SAV1: variants seen among roughly 807,000 people sequenced by gnomAD.
SAV1 encodes protein salvador homolog 1.
SAV1 carries 23 observed loss-of-function variants against 47.3 expected under a neutral mutation model. The ratio of observed to expected loss-of-function variants is 0.49; its 90% CI spans 0.35 to 0.69. SAV1 has a LOEUF of 0.69. SAV1 is among the 30% of genes least tolerant of loss of function. SAV1 has a pLI of 0.01. For missense variants in SAV1, 448 were observed against 457.4 expected, an observed-to-expected ratio of 0.98 and a Z score of 0.19; for synonymous variants, 155 against 159.2, an observed-to-expected ratio of 0.97 and a Z score of 0.20.
intron 2 of SAV1, among the ~76,000 whole-genome samples, chr14:50,645,769 G>A (rs2039716649): frequency 6.6e-6 from 1 of 151,994 alleles, no homozygotes; most frequent in Non-Finnish European, 1.5e-5. Flanking sequence ...AACCATTCCC[G>A]GTTATAAATT....
In SAV1 at chr14:50,634,090, C is replaced by A; in HGVS notation, c.*1093G>T. 1 of 382,992 alleles carries A rather than the reference C, an allele frequency of 2.6e-6. No individual in the cohort carries two copies. The highest frequency in any genetic ancestry group is 5.4e-6 in the Non-Finnish European group (1 of 185,188). 23.7% of individuals were successfully genotyped at this position (382,992 alleles called of 1,614,324 possible). A position where few individuals can be genotyped will look rare whatever the true frequency, so the allele number is the denominator to read the frequency against. Reference sequence around the variant, plus strand: ...GGTTGTCATTTTTGGTAGCTTAACCCAGTCTGTCAGAAGGCAGTATGCTAT... The same window carrying A: ...GGTTGTCATTTTTGGTAGCTTAACCAAGTCTGTCAGAAGGCAGTATGCTAT... On this transcript the variant is annotated 3_prime_UTR_variant, in exon 5 of 5. Transcript: ENST00000324679.
At chr14:50,665,038 G>C in intron 2 of SAV1, 141 bp downstream of exon 2, 1 of 1,153,930 alleles carries the variant, frequency 8.7e-7, no homozygotes, top group South Asian at 1.8e-5. Flanking sequence ...TTTGCACACA[G>C]GCTTAAGCAG....
chr14:50,642,691 T>A (rs370656180), intron 3 of SAV1, among the ~76,000 whole-genome samples: 1 of 152,100 alleles, frequency 6.6e-6, no homozygotes, highest in Non-Finnish European at 1.5e-5. Flanking sequence ...AAAAAATGCA[T>A]GTGTATATTA....
At chr14:50,644,469 C>G (rs1435189178) in intron 3 of SAV1, among the ~76,000 whole-genome samples, 1 of 152,012 alleles carries the variant, frequency 6.6e-6, no homozygotes, top group Admixed American at 6.6e-5. Context: ...TTTCTGGACA[C>G]CTATAACAAA....
intron 2 of SAV1, among the ~76,000 whole-genome samples, chr14:50,660,124 C>A (rs866743770): frequency 6.6e-6 from 1 of 152,208 alleles, no homozygotes; most frequent in Non-Finnish European, 1.5e-5. Context: ...AGTGGACCAA[C>A]TGACACCAAA....
chr14:50,655,980 GGTT>G (rs1480860584), intron 2 of SAV1, among the ~76,000 whole-genome samples: 2 of 152,222 alleles, frequency 1.3e-5, no homozygotes, highest in African/African-American at 4.8e-5. Flanking sequence ...AGGAGGCAGA[GGTT>G]GTGGTGAGCC....
intron 2 of SAV1, among the ~76,000 whole-genome samples, chr14:50,659,897 A>AC (rs2039844207): frequency 6.6e-6 from 1 of 151,728 alleles, no homozygotes; most frequent in Non-Finnish European, 1.5e-5. Flanking sequence ...GATCACACAG[A>AC]CCCCCTTGAT....
intron 2 of SAV1, among the ~76,000 whole-genome samples, chr14:50,645,238 G>A (rs2039712492): frequency 6.6e-6 from 1 of 151,902 alleles, no homozygotes; most frequent in African/African-American, 2.4e-5. Flanking sequence ...AGGGTTTTTT[G>A]GCTGATGCTT....
chr14:50,649,664 A>G (rs1207207065), intron 2 of SAV1, among the ~76,000 whole-genome samples: 1 of 152,254 alleles, frequency 6.6e-6, no homozygotes, highest in Non-Finnish European at 1.5e-5. Flanking sequence ...AGTCCTAGGA[A>G]GACAGTATGT....
At chr14:50,645,804 T>C (rs1444746146) in intron 2 of SAV1, among the ~76,000 whole-genome samples, 1 of 152,152 alleles carries the variant, frequency 6.6e-6, no homozygotes, top group Non-Finnish European at 1.5e-5. Context: ...GGCTGTGCCC[T>C]AGAATTATTA....
intron 2 of SAV1, among the ~76,000 whole-genome samples, chr14:50,662,182 ATTTT>A (rs1178882262): frequency 3.6e-5 from 4 of 111,118 alleles, no homozygotes; most frequent in African/African-American, 9.6e-5. Flanking sequence ...TTATTTATTT[ATTTT>A]GAGACGGAGT....
chr14:50,660,818 TGTGA>T (rs1329848606), intron 2 of SAV1, among the ~76,000 whole-genome samples: 3 of 152,184 alleles, frequency 2.0e-5, no homozygotes, highest in Non-Finnish European at 1.5e-5. Flanking sequence ...CGCTCCCACA[TGTGA>T]GTAAGAACAT....
intron 2 of SAV1, among the ~76,000 whole-genome samples, chr14:50,647,828 C>T (rs1053287857): frequency 7.2e-5 from 11 of 152,180 alleles, no homozygotes; most frequent in African/African-American, 2.4e-4. Flanking sequence ...TTGGAATGCC[C>T]ATACACTGCT....
intron 2 of SAV1, among the ~76,000 whole-genome samples, chr14:50,645,605 G>A (rs2039715262): frequency 6.6e-6 from 1 of 151,594 alleles, no homozygotes; most frequent in African/African-American, 2.4e-5. Flanking sequence ...AACACTTCTG[G>A]TCCTAAGCAT....
chr14:50,667,821 C>T, intron 1 of SAV1, 53 bp downstream of exon 1: 13 of 1,506,984 alleles, frequency 8.6e-6, no homozygotes, highest in Non-Finnish European at 1.2e-5. Context: ...CCAGGGTCCC[C>T]GGAGCACCTG....
rs1380253875 is a variant in SAV1 at position 50,644,877 on chromosome 14, T to C, written c.673A>G (p.Thr225Ala). 1 of 1,614,002 alleles carries C rather than the reference T, an allele frequency of 6.2e-7. No individual in the cohort carries two copies. Among genetic ancestry groups the C allele is most frequent in the Non-Finnish European group, 8.5e-7 (1 of 1,180,004 alleles). ...KYYIDHNTNT[T>A]HWSHPLEREG... ...CGCTCAAGAGGATGGCTCCAGTGAG[T>C]TGTATTTGTGTTATGATCTATATAA... Residue 225 changes from threonine to alanine, a missense_variant, in exon 3 of 5, where the codon ACT becomes GCT. By Grantham distance (58) the Thr-to-Ala change is moderately conservative (BLOSUM62 0). Coordinates refer to ENST00000324679, the MANE Select transcript of SAV1 (RefSeq NM_021818.4).
chr14:50,641,464 A>C (rs1179204126), intron 3 of SAV1, among the ~76,000 whole-genome samples: 1 of 152,134 alleles, frequency 6.6e-6, no homozygotes, highest in Non-Finnish European at 1.5e-5. Context: ...TTATATGGGA[A>C]AGTGTAAGGA....
At chr14:50,661,119 G>A (rs1321325404) in intron 2 of SAV1, among the ~76,000 whole-genome samples, 1 of 152,142 alleles carries the variant, frequency 6.6e-6, no homozygotes, top group African/African-American at 2.4e-5. Flanking sequence ...ACTCTCACCA[G>A]TAGTATATTT....
At chr14:50,646,716 G>A (rs2039725426) in intron 2 of SAV1, among the ~76,000 whole-genome samples, 1 of 150,918 alleles carries the variant, frequency 6.6e-6, no homozygotes, top group Admixed American at 6.6e-5. Flanking sequence ...ATTCCATGGA[G>A]TTTTTGTAGA....
Sources: gnomAD v4.1 joint callset for allele counts (sites outside exome capture counted in the v4.1 genomes callset) on GRCh38, gnomAD v4.1.1 for gene constraint, MANE v1.5 for transcripts, NCBI Gene and HGNC (gene_info 2026-07-23, HGNC 2026-07-21) for gene names.